Variants in RRAGC observed in about 807,000 individuals in gnomAD.
RRAGC encodes Ras related GTP binding C.
A neutral mutation model predicts 37.1 loss-of-function variants in RRAGC; 8 were observed. That is an observed-to-expected ratio of 0.22 (90% CI 0.13 to 0.39). The LOEUF is 0.39. Among genes scored for constraint, RRAGC ranks in the 10% least tolerant of loss-of-function variants. RRAGC has a pLI of 1.00. For missense variants in RRAGC, 342 were observed against 497.6 expected, an observed-to-expected ratio of 0.69 and a Z score of 2.98; for synonymous variants, 190 against 181.1, an observed-to-expected ratio of 1.05 and a Z score of -0.39.
At chr1:38,858,912 C>CTTCGCTGT (rs1255620724) in intron 1 of RRAGC, among the ~76,000 whole-genome samples, 1 of 152,258 alleles carries the variant, frequency 6.6e-6, no homozygotes, top group Non-Finnish European at 1.5e-5. Flanking sequence ...AGTAATGCTA[C>CTTCGCTGT]AGCGAAGTCT....
At chr1:38,854,258 G>A (rs753126844) in intron 3 of RRAGC, among the ~76,000 whole-genome samples, 6 of 152,000 alleles carry the variant, frequency 3.9e-5, no homozygotes, top group Non-Finnish European at 7.4e-5. Flanking sequence ...TAGTAGAGAC[G>A]GAGTTTCGCC....
rs1219854465 is a variant in RRAGC, at chr1:38,839,401, G to C, written c.*152C>G. On this transcript the variant is annotated 3_prime_UTR_variant, in exon 7 of 7. Transcript: ENST00000373001. ...TCAGTTGTACACCACCAGTTGAAGG[G>C]GTTTTCATCCAAATGAGAAACTCTA... 4 of 643,392 alleles carry C rather than the reference G, an allele frequency of 6.2e-6. No individual in the cohort carries two copies. The allele number at this position is 643,392 out of a possible 1,614,324, so 39.9% of individuals were successfully genotyped here. A position where few individuals can be genotyped will look rare whatever the true frequency, so the allele number is the denominator to read the frequency against.
chr1:38,858,905 A>T (rs1422336304), intron 1 of RRAGC, among the ~76,000 whole-genome samples: 1 of 152,266 alleles, frequency 6.6e-6, no homozygotes, highest in Non-Finnish European at 1.5e-5. Flanking sequence ...AATTCCCAGT[A>T]ATGCTACAGC....
intron 6 of RRAGC, among the ~76,000 whole-genome samples, chr1:38,842,483 T>A (rs1641976985): frequency 6.6e-6 from 1 of 152,208 alleles, no homozygotes; most frequent in African/African-American, 2.4e-5. Flanking sequence ...CTTTCACACC[T>A]ACCAGATTGA....
intron 3 of RRAGC, among the ~76,000 whole-genome samples, chr1:38,854,973 G>A (rs1642150497): frequency 6.6e-6 from 1 of 152,116 alleles, no homozygotes; most frequent in Admixed American, 6.5e-5. Context: ...AAAATAAGAT[G>A]TACAAAAATA....
chr1:38,838,268 A>C lies in RRAGC; in HGVS notation c.*1285T>G, dbSNP rs574798233. 1 of 152,240 alleles carries C rather than the reference A, an allele frequency of 6.6e-6. No homozygotes were observed. 9.4% of individuals were successfully genotyped at this position (152,240 alleles called of 1,614,324 possible). ...AATGAAATAATCTATAAATATAAAA[A>C]GCATTTTTCTTTTGGATATCACCAT... On this transcript the variant is annotated 3_prime_UTR_variant, in exon 7 of 7. Coordinates refer to ENST00000373001, the MANE Select transcript of RRAGC (RefSeq NM_022157.4).
chr1:38,855,912 A>T lies in RRAGC; in HGVS notation c.442-5T>A, dbSNP rs1642161905. On this transcript the variant is annotated splice_polypyrimidine_tract_variant and splice_region_variant and intron_variant, in intron 2 of 6. Coordinates refer to ENST00000373001, the MANE Select transcript of RRAGC (RefSeq NM_022157.4). ...TAAAGCCTCCATGTAGTCATCCTGT[A>T]AGTCAGAACAAAATATTTTTTAAAA... 1 of 1,596,690 alleles carries T rather than the reference A, an allele frequency of 6.3e-7. No individual in the cohort carries two copies. The highest frequency in any genetic ancestry group is 1.1e-5 in the South Asian group (1 of 89,144).
intron 6 of RRAGC, among the ~76,000 whole-genome samples, chr1:38,841,369 T>C (rs572897186): frequency 1.7e-5 from 1 of 59,562 alleles, no homozygotes; most frequent in East Asian, 3.9e-4. Context: ...TAAACAAAAA[T>C]TTTTTTTTTT....
chr1:38,841,582 C>T (rs1570858439), intron 6 of RRAGC, among the ~76,000 whole-genome samples: 1 of 151,812 alleles, frequency 6.6e-6, no homozygotes, highest in Non-Finnish European at 1.5e-5. Flanking sequence ...CCAAGCTGGT[C>T]TTGAACTCCT....
At position 38,856,902 on chromosome 1, in the gene RRAGC, A is replaced by G. The variant is rs918056225; in HGVS notation, c.418T>C (p.Leu140=). 6.2e-7 allele frequency: 1 copy of G among 1,614,178 alleles called. No individual in the cohort carries two copies. ...ACCTGTGCGTCAATGACGTATATCA[A>G]TGCTCCTGTTCCCCTGAAGATCATC... ...YEMIFRGTGA[L]IYVIDAQDDY... Residue 140 remains leucine (L), a synonymous_variant, in exon 2 of 7, where the codon TTG becomes CTG. Coordinates refer to ENST00000373001, the MANE Select transcript of RRAGC (RefSeq NM_022157.4).
chr1:38,859,303 A>C, intron 1 of RRAGC, 107 bp downstream of exon 1: 1 of 1,029,974 alleles, frequency 9.7e-7, no homozygotes, highest in Non-Finnish European at 1.4e-6. Flanking sequence ...GAAAGTGCGG[A>C]GGGACGGAGC....
chr1:38,857,243 A>AT (rs1642178559), intron 1 of RRAGC, among the ~76,000 whole-genome samples, 161 bp from the exon 2 acceptor site: 2 of 152,164 alleles, frequency 1.3e-5, no homozygotes. Context: ...CTATCCCTTT[A>AT]TTTTTGACAA....
At chr1:38,840,590 C>G (rs780446571) in intron 6 of RRAGC, among the ~76,000 whole-genome samples, 9 of 152,162 alleles carry the variant, frequency 5.9e-5, no homozygotes, top group African/African-American at 9.7e-5. Context: ...AAGTAATCAA[C>G]TGAAAACTTC....
At chr1:38,843,065 C>A (rs1641983225) in intron 6 of RRAGC, among the ~76,000 whole-genome samples, 1 of 152,146 alleles carries the variant, frequency 6.6e-6, no homozygotes, top group South Asian at 2.1e-4. Flanking sequence ...GCAGTTGGCT[C>A]TCATCTATAA....
intron 6 of RRAGC, among the ~76,000 whole-genome samples, chr1:38,842,258 C>A (rs747983772): frequency 3.3e-5 from 5 of 151,844 alleles, no homozygotes; most frequent in Admixed American, 2.0e-4. Context: ...GGTGACAGAG[C>A]GAGACTCTAT....
In RRAGC at chr1:38,849,150, G is replaced by A. The variant is rs560250578; in HGVS notation, c.899+2465C>T. On this transcript the variant is annotated intron_variant, in intron 5 of 6. Coordinates refer to ENST00000373001, the MANE Select transcript of RRAGC (RefSeq NM_022157.4). ...GTTAGCTGGGTATGGTGTGGTGTGC[G>A]GCTGTAGTCCCAGCTACTCAGGAGG... Among the ~76,000 whole-genome samples, 302 of 152,092 alleles carry A rather than the reference G, an allele frequency of 2.0e-3. 1 individual carries two copies. Among genetic ancestry groups the A allele is most frequent in the African/African-American group, 6.9e-3 (288 of 41,488 alleles).
At chr1:38,850,443 G>A (rs180677462) in intron 5 of RRAGC, among the ~76,000 whole-genome samples, 18 of 152,160 alleles carry the variant, frequency 1.2e-4, no homozygotes, top group East Asian at 3.9e-4. Context: ...GAACCTGGGA[G>A]GTGGAGCTTG....
chr1:38,851,724 C>T lies in RRAGC; in HGVS notation c.790G>A (p.Val264Ile), dbSNP rs147181818. The part of the protein sequence containing the change: ...SGIEKAFLFD[V>I]VSKIYIATDS... Reference sequence around the variant, plus strand: ...GTTGCAATGTAGATTTTGCTGACAACATCAAAGAGAAAAGCTTTTTCAATA... The same window carrying T: ...GTTGCAATGTAGATTTTGCTGACAATATCAAAGAGAAAAGCTTTTTCAATA... The change falls in exon 5 of 7, where the codon GTT becomes ATT. Residue 264 changes from valine (V) to isoleucine (I), a missense_variant. Coordinates refer to ENST00000373001, the MANE Select transcript of RRAGC (RefSeq NM_022157.4). 547 of 1,609,624 alleles carry T rather than the reference C, an allele frequency of 3.4e-4. 1 individual carries two copies. The highest frequency in any genetic ancestry group is 4.3e-4 in the Non-Finnish European group (508 of 1,178,782).
At chr1:38,843,491 C>G (rs537450111) in intron 6 of RRAGC, among the ~76,000 whole-genome samples, 17 of 152,182 alleles carry the variant, frequency 1.1e-4, no homozygotes, top group African/African-American at 3.9e-4. Flanking sequence ...GAGGCCGAGG[C>G]AGGCAGATCA....
Sources: gnomAD v4.1 joint callset for allele counts (sites outside exome capture counted in the v4.1 genomes callset) on GRCh38, gnomAD v4.1.1 for gene constraint, MANE v1.5 for transcripts, NCBI Gene and HGNC (gene_info 2026-07-23, HGNC 2026-07-21) for gene names.